RGPD1: variants seen among roughly 807,000 people sequenced by gnomAD.
RGPD1 encodes RANBP2 like and GRIP domain containing 1.
RGPD1 carries 7 observed loss-of-function variants against 40.6 expected under a neutral mutation model. The observed-to-expected ratio is 0.17, with a 90% CI of 0.10 to 0.32. RGPD1 has a LOEUF of 0.32. Ranked by LOEUF, RGPD1 falls within the 10% of genes least tolerant of loss-of-function variation. The pLI is 1.00. For synonymous variants in RGPD1, 24 were observed against 167.0 expected (o/e 0.14, Z 6.60); for missense variants, 50 against 472.5 (o/e 0.11, Z 8.29).
chr2:86,940,881 A>C (rs900262772), upstream of RGPD1, among the ~76,000 whole-genome samples: 11 of 152,098 alleles, frequency 7.2e-5, no homozygotes, highest in African/African-American at 2.7e-4. Context: ...ACTCCAAACT[A>C]GATTTTCTTT....
chr2:86,928,208 TACAAG>T (rs1478909409), intron 1 of RGPD1, among the ~76,000 whole-genome samples: 1 of 150,218 alleles, frequency 6.7e-6, no homozygotes, highest in African/African-American at 2.5e-5. Context: ...AGAGCCCTGA[TACAAG>T]ACAACAATCC....
chr2:86,913,669 G>T, upstream of RGPD1: 6 of 1,272,020 alleles, frequency 4.7e-6, no homozygotes, highest in South Asian at 4.1e-5. Flanking sequence ...GAGCCCGGCC[G>T]AGTGCAGCTG....
chr2:86,918,078 A>G (rs1428344803), intron 1 of RGPD1, among the ~76,000 whole-genome samples: 1 of 149,418 alleles, frequency 6.7e-6, no homozygotes, highest in Non-Finnish European at 1.5e-5. Context: ...TTGTTTTCTG[A>G]AGATAAGATT....
At chr2:86,929,689 C>CT (rs753911867) in intron 1 of RGPD1, among the ~76,000 whole-genome samples, 5,381 of 52,664 alleles carry the variant, frequency 0.1, 1,056 homozygotes, top group Non-Finnish European at 0.13. Context: ...AGCCCACACT[C>CT]TTTTTTTTTT....
intron 7 of RGPD1, among the ~76,000 whole-genome samples, chr2:86,963,448 ATTTG>A (rs1174487113): frequency 8.2e-3 from 1 of 122 alleles, no homozygotes; most frequent in Non-Finnish European, 0.024. Context: ...CATTGCCATG[ATTTG>A]TTTGTAGACA....
intron 1 of RGPD1, among the ~76,000 whole-genome samples, chr2:86,932,915 TTAAGAG>T (rs1338680372): frequency 3.9e-5 from 5 of 128,292 alleles, no homozygotes; most frequent in Non-Finnish European, 6.6e-5. Flanking sequence ...TAATCTTATT[TTAAGAG>T]TAGGACATTA....
intron 7 of RGPD1, among the ~76,000 whole-genome samples, chr2:86,964,047 CTT>C (rs558107405): frequency 7.6e-5 from 4 of 52,356 alleles, no homozygotes; most frequent in African/African-American, 1.1e-4. Flanking sequence ...CGTGCCTGGC[CTT>C]TTTTTTTTTT....
At chr2:86,944,811 C>T (rs750040334) in intron 1 of RGPD1, among the ~76,000 whole-genome samples, 1 of 152,050 alleles carries the variant, frequency 6.6e-6, no homozygotes, top group East Asian at 1.9e-4. Flanking sequence ...GGGCTCAATC[C>T]ATCCTCCCAC....
chr2:86,931,518 A>G (rs1343920927), intron 1 of RGPD1, among the ~76,000 whole-genome samples: 2 of 151,886 alleles, frequency 1.3e-5, no homozygotes, highest in Non-Finnish European at 2.9e-5. Context: ...GTAGTCATTA[A>G]GTGACTAACA....
chr2:86,928,010 G>A (rs978397647), intron 1 of RGPD1, among the ~76,000 whole-genome samples: 1 of 104,946 alleles, frequency 9.5e-6, no homozygotes, highest in Middle Eastern at 3.8e-3. Flanking sequence ...ATTGTTCTAA[G>A]ATCAGGAATA....
At chr2:86,945,475 A>G (rs1454464469) in intron 1 of RGPD1, among the ~76,000 whole-genome samples, 3 of 152,194 alleles carry the variant, frequency 2.0e-5, no homozygotes, top group Non-Finnish European at 2.9e-5. Flanking sequence ...GAGACTGGCC[A>G]TCTGTGAACT....
intron 1 of RGPD1, among the ~76,000 whole-genome samples, chr2:86,944,877 C>T (rs957194100): frequency 3.3e-5 from 5 of 151,832 alleles, no homozygotes; most frequent in Non-Finnish European, 7.4e-5. Context: ...CATGCGCCAC[C>T]ATGCCCGGCT....
intron 1 of RGPD1, among the ~76,000 whole-genome samples, chr2:86,942,714 G>A (rs1355056850): frequency 2.0e-5 from 3 of 149,000 alleles, no homozygotes. Context: ...GTGGCCCGGC[G>A]GCGGCCTCGA....
At chr2:86,918,453 C>CTTTTTTTTTTTTTTTTTTTTTTTTTT (rs1160123598) in intron 1 of RGPD1, among the ~76,000 whole-genome samples, 1 of 78,110 alleles carries the variant, frequency 1.3e-5, no homozygotes, top group Non-Finnish European at 2.3e-5. Context: ...CACACCAAAT[C>CTTTTTTTTTTTTTTTTTTTTTTTTTT]TTTTTTTTTT....
chr2:86,944,709 G>A (rs866005288), intron 1 of RGPD1, among the ~76,000 whole-genome samples: 1 of 151,774 alleles, frequency 6.6e-6, no homozygotes, highest in East Asian at 1.9e-4. Flanking sequence ...CACTGCACTG[G>A]CCATTATTTT....
At chr2:86,931,916 A>G (rs1345289611) in intron 1 of RGPD1, among the ~76,000 whole-genome samples, 1 of 145,334 alleles carries the variant, frequency 6.9e-6, no homozygotes, top group Non-Finnish European at 1.5e-5. Context: ...CAGAGAAGAT[A>G]ATAATATATT....
At chr2:86,913,661 G>A (rs967417481), upstream of RGPD1, 7 of 1,208,650 alleles carry the variant, frequency 5.8e-6, no homozygotes, top group African/African-American at 9.6e-5. Flanking sequence ...GCTGCCAAGA[G>A]CCCGGCCGAG....
At chr2:86,930,520 G>A (rs537593468) in intron 1 of RGPD1, 57 of 1,554,458 alleles carry the variant, frequency 3.7e-5, no homozygotes, top group East Asian at 1.1e-4. Flanking sequence ...AGTTTAGCTC[G>A]TCGGTGGCGG....
At chr2:86,941,904 T>G (rs376279007), upstream of RGPD1, among the ~76,000 whole-genome samples, 1,753 of 151,190 alleles carry the variant, frequency 0.012, 36 homozygotes, top group African/African-American at 0.041. Context: ...TAGAGATGGG[T>G]TTTCGCCATG....
Sources: allele counts gnomAD v4.1 joint callset (sites outside exome capture counted in the v4.1 genomes callset), GRCh38; gene constraint gnomAD v4.1.1; transcripts MANE v1.5; gene names NCBI Gene and HGNC (gene_info 2026-07-23, HGNC 2026-07-21).